The following HECW2 variants were observed in gnomAD, a reference collection of about 807,000 sequenced individuals.
HECW2 encodes the protein HECT, C2 and WW domain containing E3 ubiquitin protein ligase 2, also known as E3 ubiquitin-protein ligase HECW2.
A neutral mutation model predicts 175.2 loss-of-function variants in HECW2; 61 were observed. The observed-to-expected ratio is 0.35, with a 90% CI of 0.28 to 0.43. HECW2 has a LOEUF of 0.43. Among genes scored for constraint, HECW2 ranks in the 20% least tolerant of loss-of-function variants. The probability of loss-of-function intolerance (pLI) is 1.00; values close to 1 mark genes in which losing one functional copy is unlikely to be tolerated. For missense variants in HECW2, 1,524 were observed against 2,000.5 expected (o/e 0.76, Z 4.54); for synonymous variants, 671 against 731.0 (o/e 0.92, Z 1.32).
Position 196,496,828 on chromosome 2 carries a change from G to A in HECW2, c.-35-63370C>T, listed in dbSNP as rs544453450. Among the ~76,000 whole-genome samples, 42 of 152,264 alleles carry A rather than the reference G, an allele frequency of 2.8e-4. No individual in the cohort carries two copies. In the Middle Eastern group the frequency reaches 0.01, roughly 37 times the overall value. On this transcript the variant is annotated intron_variant, in intron 1 of 28. Transcript: ENST00000644978. ...ACTGTGGAGGCCATGTTACTCAAAC[G>A]TTATGTCTCCATCCATCTATTCTAT...
chr2:196,525,790 A>G (rs1157242956), intron 1 of HECW2, among the ~76,000 whole-genome samples: 3 of 130,514 alleles, frequency 2.3e-5, no homozygotes, highest in East Asian at 2.3e-4. Context: ...TTCTTTAAGA[A>G]TGTTGAATAT....
Position 196,278,582 on chromosome 2 carries a change from A to G in HECW2, c.3081T>C (p.Ser1027=), listed in dbSNP as rs745774075. 6.2e-7 allele frequency: 1 copy of G among 1,614,058 alleles called. No homozygotes were observed. The highest frequency in any genetic ancestry group is 1.7e-5 in the Admixed American group (1 of 59,996). Residue 1027 remains serine (S), a synonymous_variant, in exon 15 of 29, where the codon AGT becomes AGC. Coordinates refer to ENST00000644978, the MANE Select transcript of HECW2 (RefSeq NM_001348768.2). The stretch of plus-strand genomic sequence containing the variant: ...TCAGGTGTTGCCGATGAACCAGCGC[A>G]CTTGTGGGTCTACTGCTCTGAAGTG... ...RLPLQSSRPT[S]ALVHRQHLTR... is the part of the protein sequence containing the mutation.
intron 1 of HECW2, among the ~76,000 whole-genome samples, chr2:196,577,852 T>C (rs1381377676): frequency 6.6e-6 from 1 of 152,182 alleles, no homozygotes; most frequent in Non-Finnish European, 1.5e-5. Flanking sequence ...ACAGAATTCA[T>C]TCTGAAGTCA....
Position 196,201,158 on chromosome 2 carries a change from A to C in HECW2, c.*119T>G. ...ACAGAGCACTTGTTCCTGGAAAACA[A>C]CAGCACATAGCTTTATCCTAAAGGA... On this transcript the variant is annotated 3_prime_UTR_variant, in exon 29 of 29. Coordinates refer to ENST00000644978, the MANE Select transcript of HECW2 (RefSeq NM_001348768.2). 1.4e-6 allele frequency: 1 copy of C among 706,540 alleles called. No individual in the cohort carries two copies. The highest frequency in any genetic ancestry group is 2.6e-6 in the Non-Finnish European group (1 of 391,598). 43.8% of individuals were successfully genotyped at this position (706,540 alleles called of 1,614,324 possible). A position where few individuals can be genotyped will look rare whatever the true frequency, so the allele number is the denominator to read the frequency against.
At chr2:196,500,683 C>T (rs1687549453) in intron 1 of HECW2, among the ~76,000 whole-genome samples, 1 of 152,210 alleles carries the variant, frequency 6.6e-6, no homozygotes, top group Non-Finnish European at 1.5e-5. Context: ...AATAAAAAGT[C>T]CATTGTCTAT....
chr2:196,402,676 T>G lies in HECW2; in HGVS notation c.292+30456A>C, dbSNP rs531540583. ...TAGTCCTGAAACTCAAAAAACAAAC[T>G]GTAAGAGAACGAACAAAATTTCTAT... is the stretch of plus-strand genomic sequence containing the variant. On this transcript the variant is annotated intron_variant, in intron 2 of 28. Coordinates refer to ENST00000644978, the MANE Select transcript of HECW2 (RefSeq NM_001348768.2). Among the ~76,000 whole-genome samples, 16 of 152,220 alleles carry G rather than the reference T, an allele frequency of 1.1e-4. No homozygotes were observed. The East Asian group carries it at 2.1e-3, about 20-fold the overall frequency.
At chr2:196,308,292 T>A (rs773606589) in intron 10 of HECW2, 106 of 382,596 alleles carry the variant, frequency 2.8e-4, no homozygotes, top group Non-Finnish European at 4.7e-4. Context: ...GTGCATATAA[T>A]ACCAGTCCCT....
In HECW2 at chr2:196,215,913, G is replaced by A; in HGVS notation, c.4559C>T (p.Pro1520Leu). ...GFASLRGSNG[P>L]RRFCVEKWGK... ...CCATTTCTCCACACAGAATCTTCTT[G>A]GGCCGTTACTCCCTCGGAGTGAAGC... Residue 1520 changes from proline (P) to leucine (L), a missense_variant, in exon 28 of 29, where the codon CCA (proline) becomes CTA (leucine). Transcript: ENST00000644978. 1 of 1,613,968 alleles carries A rather than the reference G, an allele frequency of 6.2e-7. No individual in the cohort carries two copies. The highest frequency in any genetic ancestry group is 8.5e-7 in the Non-Finnish European group (1 of 1,179,922).
chr2:196,393,694 A>T (rs1694578922), intron 2 of HECW2, among the ~76,000 whole-genome samples: 1 of 152,236 alleles, frequency 6.6e-6, no homozygotes, highest in African/African-American at 2.4e-5. Flanking sequence ...GTACACTTTT[A>T]CACTGTTGGT....
intron 1 of HECW2, among the ~76,000 whole-genome samples, chr2:196,589,475 G>T (rs1011391991): frequency 7.2e-5 from 11 of 152,160 alleles, no homozygotes; most frequent in African/African-American, 2.4e-4. Flanking sequence ...ACCCCCAAGA[G>T]AATTTTCATG....
Position 196,389,290 on chromosome 2 carries a change from C to T in HECW2, c.292+43842G>A, listed in dbSNP as rs534652459. On this transcript the variant is annotated intron_variant, in intron 2 of 28. Coordinates refer to ENST00000644978, the MANE Select transcript of HECW2 (RefSeq NM_001348768.2). Reference sequence around the variant, plus strand: ...GGCAAATGGGCAAATGGATGTGTTACCAAGAAGACCTACAGAGAGTTATTT... The same window carrying T: ...GGCAAATGGGCAAATGGATGTGTTATCAAGAAGACCTACAGAGAGTTATTT... Among the ~76,000 whole-genome samples the T allele has an allele frequency of 2.2e-3, 331 of 152,216 alleles. 1 individual carries two copies. The highest frequency in any genetic ancestry group is 2.5e-3 in the Non-Finnish European group (171 of 68,002).
chr2:196,457,861 G>A (rs1175840090), intron 1 of HECW2, among the ~76,000 whole-genome samples: 3 of 152,162 alleles, frequency 2.0e-5, no homozygotes, highest in Non-Finnish European at 4.4e-5. Flanking sequence ...GCTATACTTA[G>A]GAAGTATGTC....
intron 13 of HECW2, among the ~76,000 whole-genome samples, chr2:196,300,298 C>G (rs1471050559): frequency 6.6e-6 from 1 of 152,204 alleles, no homozygotes; most frequent in Non-Finnish European, 1.5e-5. Context: ...AATATTTACT[C>G]TCTGGCCCTT....
At chr2:196,250,873 C>T (rs931203437) in intron 19 of HECW2, among the ~76,000 whole-genome samples, 16 of 152,148 alleles carry the variant, frequency 1.1e-4, no homozygotes, top group African/African-American at 1.7e-4. Context: ...CTCCAGATTT[C>T]GTGAAAAGAG....
intron 2 of HECW2, among the ~76,000 whole-genome samples, chr2:196,423,684 TTGTGTG>T (rs60030164): frequency 8.6e-5 from 12 of 140,046 alleles, no homozygotes; most frequent in African/African-American, 1.6e-4. Context: ...TAGTATTCCA[TTGTGTG>T]TGTGTGTGTG....
In HECW2 at chr2:196,217,036, T is replaced by C; in HGVS notation, c.4466A>G (p.Asn1489Ser). The C allele has an allele frequency of 1.9e-6, 3 of 1,546,628 alleles. No individual in the cohort carries two copies. The highest frequency in any genetic ancestry group is 2.6e-6 in the Non-Finnish European group (3 of 1,155,298). ...RWFWAAVERFNNEQRLRLLQF... is the reference protein window; with the variant it reads ...RWFWAAVERFSNEQRLRLLQF... ...TAACAACCTTAGTCGTTGTTCATTG[T>C]TGAATCTTTCCACTGCAGCCCAGAA... is the stretch of plus-strand genomic sequence containing the variant. Residue 1489 changes from asparagine to serine, a missense_variant, in exon 27 of 29, where the codon AAC (asparagine) becomes AGC (serine). By Grantham distance (46) the Asn-to-Ser change is conservative. Transcript: ENST00000644978.
At chr2:196,555,013 CA>C (rs1464028668) in intron 1 of HECW2, among the ~76,000 whole-genome samples, 2 of 151,936 alleles carry the variant, frequency 1.3e-5, no homozygotes, top group Admixed American at 1.3e-4. Flanking sequence ...TTTAAAAGGC[CA>C]AAGGGGGATT....
intron 2 of HECW2, among the ~76,000 whole-genome samples, chr2:196,369,650 AT>A (rs1693852504): frequency 6.6e-6 from 1 of 152,150 alleles, no homozygotes; most frequent in Admixed American, 6.5e-5. Flanking sequence ...TAAAGATGCC[AT>A]CAAGGAACCA....
chr2:196,570,416 G>C (rs1279635782), intron 1 of HECW2, among the ~76,000 whole-genome samples: 1 of 152,128 alleles, frequency 6.6e-6, no homozygotes. Context: ...GTATTTTATT[G>C]AAATGTTTAA....
Sources: gnomAD v4.1 joint callset for allele counts (sites outside exome capture counted in the v4.1 genomes callset) on GRCh38, gnomAD v4.1.1 for gene constraint, MANE v1.5 for transcripts, NCBI Gene and HGNC (gene_info 2026-07-23, HGNC 2026-07-21) for gene names.